NUP133: variants seen among roughly 807,000 people sequenced by gnomAD.
The protein encoded by NUP133 is nuclear pore complex protein Nup133.
A neutral mutation model predicts 146.2 loss-of-function variants in NUP133; 66 were observed. The ratio of observed to expected loss-of-function variants is 0.45; its 90% confidence interval spans 0.37 to 0.55. The LOEUF is 0.55. NUP133 is among the 20% of genes least tolerant of loss of function. The pLI, the probability that NUP133 is intolerant of heterozygous loss-of-function variation, is 0.00. For synonymous variants in NUP133, 521 were observed against 498.8 expected, an observed-to-expected ratio of 1.04 and a Z score of -0.59; for missense variants, 1,277 against 1,374.8, an observed-to-expected ratio of 0.93 and a Z score of 1.12.
At chr1:229,486,678 T>C in intron 10 of NUP133, 150 bp from the exon 11 acceptor site, 1 of 658,140 alleles carries the variant, frequency 1.5e-6, no homozygotes, top group South Asian at 2.2e-5. Flanking sequence ...ACTCATCCTT[T>C]ACATCCCAGA....
intron 24 of NUP133, chr1:229,448,642 T>C (rs1445354723): frequency 6.1e-6 from 1 of 163,698 alleles, no homozygotes; most frequent in Non-Finnish European, 1.3e-5. Context: ...TAAATTTGCT[T>C]TCACTTTACT....
rs915902487 is a variant in NUP133 at position 229,449,110 on chromosome 1, T to G, written c.3245+16A>C. On this transcript the variant is annotated intron_variant, in intron 24 of 25. Coordinates refer to ENST00000261396, the MANE Select transcript of NUP133 (RefSeq NM_018230.3). ...GTTTCTATACTTTCCAAAGAAGCAA[T>G]GCCACGAGCACTTACTTATCTCTCT... 1.2e-6 allele frequency: 2 copies of G among 1,600,026 alleles called. No individual in the cohort carries two copies. Among genetic ancestry groups the G allele is most frequent in the Middle Eastern group, 1.7e-4 (1 of 5,988 alleles).
intron 25 of NUP133, 145 bp from the exon 26 acceptor site, chr1:229,442,185 C>A: frequency 2.6e-6 from 2 of 762,228 alleles, no homozygotes; most frequent in Non-Finnish European, 4.1e-6. Flanking sequence ...TAAATTCCTT[C>A]CATCTGTCAA....
chr1:229,469,271 G>A (rs1251460837), intron 15 of NUP133, among the ~76,000 whole-genome samples: 1 of 152,216 alleles, frequency 6.6e-6, no homozygotes, highest in Non-Finnish European at 1.5e-5. Flanking sequence ...GGGAGACAGC[G>A]AAGTCTGCCT....
At chr1:229,507,442 GGT>G (rs746764884) in intron 1 of NUP133, among the ~76,000 whole-genome samples, 1 of 151,694 alleles carries the variant, frequency 6.6e-6, no homozygotes, top group East Asian at 1.9e-4. Flanking sequence ...GGTGGGGAGG[GGT>G]GTGTGTGTGT....
chr1:229,493,288 T>C (rs1661568719), intron 8 of NUP133, among the ~76,000 whole-genome samples: 1 of 152,204 alleles, frequency 6.6e-6, no homozygotes, highest in African/African-American at 2.4e-5. Context: ...AGTGATCCTC[T>C]CGCCTCAGCC....
At chr1:229,445,129 G>A in intron 24 of NUP133, 127 bp from the exon 25 acceptor site, 1 of 683,486 alleles carries the variant, frequency 1.5e-6, no homozygotes. Context: ...TTGTGATACT[G>A]TTTCAAATCA....
chr1:229,476,853 G>C (rs959959923), intron 13 of NUP133, among the ~76,000 whole-genome samples: 4 of 151,484 alleles, frequency 2.6e-5, no homozygotes, highest in African/African-American at 9.8e-5. Context: ...GAACCCAGGA[G>C]GTGGAGGTTG....
In NUP133 at chr1:229,490,111, TA is replaced by T; in HGVS notation, c.1047-10del. On this transcript the variant is annotated splice_polypyrimidine_tract_variant and intron_variant, in intron 8 of 25. Coordinates refer to ENST00000261396, the MANE Select transcript of NUP133 (RefSeq NM_018230.3). The stretch of plus-strand genomic sequence containing the variant: ...AAATCACCAGCCCATCACTAATCAA[TA>T]AAAAAGGAAGATGTAAAGCCTCTCT... 2 of 1,529,600 alleles carry T rather than the reference TA, an allele frequency of 1.3e-6. No homozygotes were observed. The highest frequency in any genetic ancestry group is 1.8e-6 in the Non-Finnish European group (2 of 1,134,174). 94.8% of individuals were successfully genotyped at this position (1,529,600 alleles called of 1,614,324 possible).
chr1:229,454,670 G>A (rs1571909059), intron 21 of NUP133, among the ~76,000 whole-genome samples: 1 of 152,292 alleles, frequency 6.6e-6, no homozygotes, highest in East Asian at 1.9e-4. Flanking sequence ...ATCGCGTTAA[G>A]AAATAAAAGC....
At position 229,508,143 on chromosome 1, in the gene NUP133, C is replaced by T; in HGVS notation, c.107G>A (p.Gly36Asp). ...GCTGACTGCAGACCCCAGGGGCAGA[C>T]CCTTCCTGCTAGCCGTCCGGGGCGT... ...GSTPRTASRK[G>D]LPLGSAVSSP... The change falls in exon 1 of 26, where the codon GGT becomes GAT. Residue 36 changes from glycine to aspartate, a missense_variant. By Grantham distance (94) the Gly-to-Asp change is moderately conservative (BLOSUM62 -1). This residue lies in a region of NUP133 where 319 missense variants were observed against 306.9 expected (regional missense o/e 1.04). Coordinates refer to ENST00000261396, the MANE Select transcript of NUP133 (RefSeq NM_018230.3). 2 of 1,597,006 alleles carry T rather than the reference C, an allele frequency of 1.3e-6. No homozygotes were observed. The highest frequency in any genetic ancestry group is 8.5e-7 in the Non-Finnish European group (1 of 1,173,282).
chr1:229,480,814 G>A (rs1448433404), intron 12 of NUP133, among the ~76,000 whole-genome samples: 1 of 151,398 alleles, frequency 6.6e-6, no homozygotes, highest in Non-Finnish European at 1.5e-5. Flanking sequence ...AGTCTCCTGA[G>A]TAGCTGAGAT....
At chr1:229,503,624 T>C (rs1006383851) in intron 2 of NUP133, among the ~76,000 whole-genome samples, 1 of 152,236 alleles carries the variant, frequency 6.6e-6, no homozygotes, top group African/African-American at 2.4e-5. Flanking sequence ...GTAAAAGGCA[T>C]AGACAATGTA....
In NUP133 at chr1:229,506,169, G is replaced by A; in HGVS notation, c.183-11C>T. The A allele has an allele frequency of 1.3e-6, 2 of 1,482,912 alleles. No homozygotes were observed. Among genetic ancestry groups the A allele is most frequent in the Non-Finnish European group, 1.9e-6 (2 of 1,064,392 alleles). 91.9% of individuals were successfully genotyped at this position (1,482,912 alleles called of 1,614,324 possible). A position where few individuals can be genotyped will look rare whatever the true frequency, so the allele number is the denominator to read the frequency against. On this transcript the variant is annotated splice_polypyrimidine_tract_variant and intron_variant, in intron 1 of 25. Transcript: ENST00000261396. ...CGTGTTGGTGTTCCCCTAAAGAAAA[G>A]AGTCTATATTACCTTACTTGTAACT...
At chr1:229,446,205 G>A (rs931350804) in intron 24 of NUP133, among the ~76,000 whole-genome samples, 1 of 152,144 alleles carries the variant, frequency 6.6e-6, no homozygotes, top group Non-Finnish European at 1.5e-5. Context: ...TTGGGAGTTT[G>A]AGACCAGCCT....
intron 15 of NUP133, among the ~76,000 whole-genome samples, chr1:229,467,003 CGAT>C (rs1660841405): frequency 7.9e-6 from 1 of 126,406 alleles, no homozygotes; most frequent in African/African-American, 3.1e-5. Context: ...GATTTTTAAG[CGAT>C]GATATTTTTT....
intron 14 of NUP133, among the ~76,000 whole-genome samples, chr1:229,471,127 CTTTTT>C (rs1188715954): frequency 1.3e-5 from 2 of 152,088 alleles, no homozygotes; most frequent in Non-Finnish European, 2.9e-5. Flanking sequence ...CTCTTTTCGT[CTTTTT>C]TGAGACAGGG....
intron 8 of NUP133, among the ~76,000 whole-genome samples, chr1:229,494,780 T>C (rs1042731754): frequency 2.0e-5 from 3 of 152,066 alleles, no homozygotes; most frequent in African/African-American, 7.2e-5. Context: ...GCCACAAACA[T>C]AGGCCTAAAG....
At chr1:229,487,838 A>ATTTTTTTTTTTTTTTTTTTTTTTT (rs10565327) in intron 9 of NUP133, among the ~76,000 whole-genome samples, 1 of 118,154 alleles carries the variant, frequency 8.5e-6, no homozygotes, top group South Asian at 2.6e-4. Flanking sequence ...TGCTTTTTTA[A>ATTTTTTTTTTTTTTTTTTTTTTTT]TTTTTTTTTT....
Sources: allele counts gnomAD v4.1 joint callset (sites outside exome capture counted in the v4.1 genomes callset), GRCh38; gene constraint gnomAD v4.1.1; regional missense constraint gnomAD v4.1.1; transcripts MANE v1.5; gene names NCBI Gene and HGNC (gene_info 2026-07-23, HGNC 2026-07-21).